ANKRD30BL: variants seen among roughly 807,000 people sequenced by gnomAD.
ANKRD30BL encodes ankyrin repeat domain 30B like, also known as putative ankyrin repeat domain-containing protein 30B-like.
A neutral mutation model predicts 18.4 loss-of-function variants in ANKRD30BL; 20 were observed. The ratio of observed to expected loss-of-function variants is 1.09; its 90% CI spans 0.77 to 1.58. ANKRD30BL has a LOEUF of 1.58. ANKRD30BL is among the 40% of genes most tolerant of loss of function. The pLI is 0.00. For missense variants in ANKRD30BL, 224 were observed against 268.6 expected (o/e 0.83, Z 1.16); for synonymous variants, 72 against 100.9 (o/e 0.71, Z 1.72).
intron 1 of ANKRD30BL, among the ~76,000 whole-genome samples, chr2:132,252,463 T>C (rs13394629): frequency 0.12 from 16,443 of 142,786 alleles, 2,931 homozygotes; most frequent in African/African-American, 0.38. Flanking sequence ...CACGGGACCA[T>C]GGCCATGAGC....
intron 1 of ANKRD30BL, among the ~76,000 whole-genome samples, chr2:132,208,521 G>C (rs1328433791): frequency 6.6e-6 from 1 of 151,970 alleles, no homozygotes; most frequent in African/African-American, 2.4e-5. Context: ...ACATGGCCAG[G>C]GTTCCTGAGT....
At position 132,207,342 on chromosome 2, in the gene ANKRD30BL, T is replaced by C. The variant is rs1300885751; in HGVS notation, n.441+50187A>G. On this transcript the variant is annotated intron_variant and non_coding_transcript_variant, in intron 1 of 4. Coordinates refer to the ANKRD30BL transcript ENST00000470729. ...TTGGCATTTACCTGAGATTAAAACA[T>C]TATGGTAAAATACATTATCTTCAGT... 2.6e-5 allele frequency among the ~76,000 whole-genome samples: 4 copies of C among 152,128 alleles called. 1 individual carries two copies. In the East Asian group the frequency reaches 7.8e-4, roughly 29 times the overall value.
intron 1 of ANKRD30BL, among the ~76,000 whole-genome samples, chr2:132,171,572 C>A (rs1018921929): frequency 2.6e-5 from 4 of 152,176 alleles, no homozygotes; most frequent in Non-Finnish European, 4.4e-5. Context: ...TTACTGTAAA[C>A]ATTTTTGTGA....
intron 1 of ANKRD30BL, among the ~76,000 whole-genome samples, chr2:132,198,424 C>T (rs1039427217): frequency 1.1e-4 from 17 of 148,994 alleles, no homozygotes; most frequent in African/African-American, 4.2e-4. Context: ...CCCGGGTTCA[C>T]ACCATTCTCC....
chr2:132,167,092 C>A (rs1205185670), intron 1 of ANKRD30BL, among the ~76,000 whole-genome samples: 2 of 150,746 alleles, frequency 1.3e-5, no homozygotes, highest in Non-Finnish European at 3.0e-5. Flanking sequence ...TTCAATTCTT[C>A]CTGCTATTTA....
chr2:132,207,961 C>A (rs1031110298), intron 1 of ANKRD30BL, among the ~76,000 whole-genome samples: 3 of 152,144 alleles, frequency 2.0e-5, no homozygotes, highest in African/African-American at 7.2e-5. Context: ...TTATTAGTAT[C>A]CCAATGTGAA....
At chr2:132,151,418 A>G (rs1687754201) in intron 4 of ANKRD30BL, among the ~76,000 whole-genome samples, 1 of 152,162 alleles carries the variant, frequency 6.6e-6, no homozygotes, top group Non-Finnish European at 1.5e-5. Flanking sequence ...AATGAAGCAA[A>G]AAAAATTTGT....
At chr2:132,231,595 C>T (rs1030728827) in intron 1 of ANKRD30BL, among the ~76,000 whole-genome samples, 3 of 152,160 alleles carry the variant, frequency 2.0e-5, no homozygotes, top group Admixed American at 6.6e-5. Flanking sequence ...CCTGGAAAAT[C>T]GGGTCACTCC....
At chr2:132,240,796 G>T (rs1483078599) in intron 1 of ANKRD30BL, among the ~76,000 whole-genome samples, 2 of 151,590 alleles carry the variant, frequency 1.3e-5, no homozygotes, top group African/African-American at 4.8e-5. Flanking sequence ...GTGGACATTT[G>T]GAGCGCTTTG....
intron 1 of ANKRD30BL, among the ~76,000 whole-genome samples, chr2:132,182,295 A>G (rs898212312): frequency 2.6e-5 from 4 of 151,792 alleles, no homozygotes; most frequent in African/African-American, 9.7e-5. Context: ...ATCCTGTCTA[A>G]CATGGTGAAA....
intron 1 of ANKRD30BL, among the ~76,000 whole-genome samples, chr2:132,194,013 C>T (rs1288545572): frequency 1.3e-5 from 2 of 150,490 alleles, no homozygotes; most frequent in African/African-American, 2.5e-5. Context: ...TACTTTTCTA[C>T]AAAAGAAGCA....
intron 1 of ANKRD30BL, among the ~76,000 whole-genome samples, chr2:132,219,872 T>A (rs1347421393): frequency 6.6e-6 from 1 of 152,296 alleles, no homozygotes; most frequent in East Asian, 1.9e-4. Flanking sequence ...TTCTTTGTGA[T>A]GTGTGCATTC....
intron 1 of ANKRD30BL, among the ~76,000 whole-genome samples, chr2:132,232,863 A>G (rs1468652861): frequency 1.3e-5 from 2 of 152,056 alleles, no homozygotes; most frequent in African/African-American, 4.8e-5. Context: ...CGAGAAGAGC[A>G]ACTCCAAGAC....
chr2:132,183,284 A>G (rs1688506882), intron 1 of ANKRD30BL, among the ~76,000 whole-genome samples: 1 of 151,998 alleles, frequency 6.6e-6, no homozygotes, highest in African/African-American at 2.4e-5. Flanking sequence ...GACATGTGCC[A>G]TCATGCCCAG....
chr2:132,220,510 C>G (rs887265423), intron 1 of ANKRD30BL, among the ~76,000 whole-genome samples: 2 of 152,000 alleles, frequency 1.3e-5, no homozygotes. Context: ...ATTGCAGGCG[C>G]GCGTCGCCAC....
At chr2:132,176,647 G>A (rs1478912278) in intron 1 of ANKRD30BL, among the ~76,000 whole-genome samples, 3 of 151,946 alleles carry the variant, frequency 2.0e-5, no homozygotes, top group Non-Finnish European at 4.4e-5. Context: ...AAAAAAAGCC[G>A]TGTGTGGCTG....
chr2:132,249,623 G>T (rs1680597593), intron 1 of ANKRD30BL, among the ~76,000 whole-genome samples: 1 of 151,814 alleles, frequency 6.6e-6, no homozygotes, highest in African/African-American at 2.4e-5. Flanking sequence ...GAAAGCTTCT[G>T]TCTAGTTTTT....
rs558842878 is a variant in ANKRD30BL at position 132,246,943 on chromosome 2, A to G, written n.441+10586T>C. Among the ~76,000 whole-genome samples, 15 of 151,932 alleles carry G rather than the reference A, an allele frequency of 9.9e-5. 1 individual carries two copies. The highest frequency in any genetic ancestry group is 6.2e-4 in the South Asian group (3 of 4,826). ...GTAGTATCTGCAAGTGGATATTTGG[A>G]TAGCTTTCAGGATTTCATTGGAAAC... On this transcript the variant is annotated intron_variant and non_coding_transcript_variant, in intron 1 of 4. Transcript: ENST00000470729.
chr2:132,234,123 G>A (rs187629357), intron 1 of ANKRD30BL, among the ~76,000 whole-genome samples: 20 of 152,228 alleles, frequency 1.3e-4, no homozygotes, highest in Admixed American at 3.9e-4. Flanking sequence ...AAATAAAGAT[G>A]TTCTTTGAAA....
Sources: gnomAD v4.1 joint callset for allele counts (sites outside exome capture counted in the v4.1 genomes callset) on GRCh38, gnomAD v4.1.1 for gene constraint, MANE v1.5 for transcripts, NCBI Gene and HGNC (gene_info 2026-07-23, HGNC 2026-07-21) for gene names.